KANK1: variants seen among roughly 807,000 people sequenced by gnomAD.
The protein encoded by KANK1 is KN motif and ankyrin repeat domains 1, also known as KN motif and ankyrin repeat domain-containing protein 1.
KANK1 carries 109 observed loss-of-function variants against 106.2 expected under a neutral mutation model. The observed-to-expected ratio is 1.03, with a 90% CI of 0.88 to 1.20. The LOEUF (loss-of-function observed/expected upper bound fraction) is 1.20, where lower values mean the gene tolerates loss of function less well. Ranked by LOEUF, KANK1 falls within the 50% of genes most tolerant of loss-of-function variation. The probability of loss-of-function intolerance (pLI) is 0.00; values close to 1 mark genes in which losing one functional copy is unlikely to be tolerated. For missense variants in KANK1, 2,399 were observed against 1,710.7 expected, an observed-to-expected ratio of 1.40 and a Z score of -7.10; for synonymous variants, 873 against 652.2, an observed-to-expected ratio of 1.34 and a Z score of -5.16.
intron 3 of KANK1, among the ~76,000 whole-genome samples, chr9:474,411 G>A (rs1265542910): frequency 6.6e-6 from 1 of 152,182 alleles, no homozygotes; most frequent in Non-Finnish European, 1.5e-5. Flanking sequence ...GCATAAGTAT[G>A]TTTCTCACTT....
chr9:591,856 A>C (rs1010013051), intron 1 of KANK1, among the ~76,000 whole-genome samples: 5 of 151,570 alleles, frequency 3.3e-5, no homozygotes, highest in African/African-American at 9.8e-5. Context: ...TCGGGGTTTC[A>C]CCGTGTTAGC....
intron 1 of KANK1, among the ~76,000 whole-genome samples, chr9:510,024 C>T (rs893704987): frequency 1.5e-4 from 22 of 150,832 alleles, no homozygotes; most frequent in African/African-American, 4.4e-4. Flanking sequence ...GTTGTCCAGG[C>T]GGGTCTCAAA....
intron 1 of KANK1, among the ~76,000 whole-genome samples, chr9:640,216 C>T (rs959090008): frequency 1.1e-4 from 16 of 152,068 alleles, no homozygotes; most frequent in Admixed American, 1.0e-3. Context: ...ATGGAAACTC[C>T]TTTTTGGGGG....
At chr9:699,137 C>T (rs1307200489) in intron 2 of KANK1, among the ~76,000 whole-genome samples, 1 of 152,178 alleles carries the variant, frequency 6.6e-6, no homozygotes, top group Non-Finnish European at 1.5e-5. Context: ...CTACCGCTCC[C>T]TTGAAGAACC....
At chr9:695,611 G>T (rs569953632) in intron 2 of KANK1, among the ~76,000 whole-genome samples, 10 of 149,186 alleles carry the variant, frequency 6.7e-5, no homozygotes, top group African/African-American at 9.8e-5. Flanking sequence ...GACTTCGTGG[G>T]GGGGGGGGCA....
intron 1 of KANK1, among the ~76,000 whole-genome samples, chr9:656,485 G>A (rs575885898): frequency 2.0e-5 from 3 of 152,256 alleles, no homozygotes; most frequent in East Asian, 1.9e-4. Context: ...ACAAGGCTCT[G>A]TCTCCTGGGT....
rs1563847716 is a variant in KANK1, at chr9:606,288, G to GT, written c.-83-70602_-83-70601insT. Among the ~76,000 whole-genome samples, 55 of 149,874 alleles carry GT rather than the reference G, an allele frequency of 3.7e-4. 5 individuals are homozygous for GT. Among genetic ancestry groups the GT allele is most frequent in the African/African-American group, 1.4e-3 (54 of 39,510 alleles). On this transcript the variant is annotated intron_variant, in intron 1 of 11. Transcript: ENST00000382297. ...AAGGGCTGGGGGTGGTGGGGGCGGT[G>GT]GCTCACACCTGAAATCCCAGCACTT... is the stretch of plus-strand genomic sequence containing the variant.
chr9:499,575 G>T (rs900574623), intron 3 of KANK1, among the ~76,000 whole-genome samples: 1 of 152,148 alleles, frequency 6.6e-6, no homozygotes, highest in African/African-American at 2.4e-5. Flanking sequence ...GGGGGCTCCT[G>T]CAAATCTTTT....
intron 1 of KANK1, among the ~76,000 whole-genome samples, chr9:552,539 T>C (rs1470482771): frequency 6.6e-6 from 1 of 152,222 alleles, no homozygotes; most frequent in Non-Finnish European, 1.5e-5. Context: ...TGTTTTAATA[T>C]GACGTTATTA....
At chr9:601,262 A>C (rs968888946) in intron 1 of KANK1, among the ~76,000 whole-genome samples, 2 of 151,792 alleles carry the variant, frequency 1.3e-5, no homozygotes, top group African/African-American at 4.9e-5. Context: ...TGGGAATCTA[A>C]ATTGGTCTAA....
At chr9:549,987 A>G (rs527316616) in intron 1 of KANK1, among the ~76,000 whole-genome samples, 84 of 152,222 alleles carry the variant, frequency 5.5e-4, no homozygotes, top group Non-Finnish European at 1.1e-3. Flanking sequence ...GAGAATTAAC[A>G]CTGGGGACAC....
intron 3 of KANK1, chr9:484,636 A>G (rs1329013512): frequency 6.6e-6 from 1 of 152,250 alleles, no homozygotes; most frequent in Non-Finnish European, 1.5e-5. Context: ...GAGGCAAGAT[A>G]AAAGATATAA....
intron 2 of KANK1, chr9:707,221 G>GGCGGGGAGC: frequency 1.0e-6 from 1 of 986,210 alleles, no homozygotes; most frequent in Non-Finnish European, 1.2e-6. Context: ...AGCGCGGGCT[G>GGCGGGGAGC]GCGGGGAGCG....
At position 711,489 on chromosome 9, in the gene KANK1, C is replaced by T. The variant is rs1309017389; in HGVS notation, c.723C>T (p.His241=). The change falls in exon 3 of 12, where the codon CAC becomes CAT. Residue 241 remains histidine, a synonymous_variant. Transcript: ENST00000382297. ...TTSSMGSSIR[H]SPLSSGISTP... Reference sequence around the variant, plus strand: ...CCTCCATGGGGAGCTCCATCCGCCACAGCCCCCTGAGCTCAGGGATCTCCA... The same window carrying T: ...CCTCCATGGGGAGCTCCATCCGCCATAGCCCCCTGAGCTCAGGGATCTCCA... The T allele has an allele frequency of 4.3e-6, 7 of 1,614,062 alleles. No homozygotes were observed. Among genetic ancestry groups the T allele is most frequent in the African/African-American group, 4.0e-5 (3 of 74,926 alleles).
At chr9:561,863 C>T (rs932062090) in intron 1 of KANK1, among the ~76,000 whole-genome samples, 7 of 152,140 alleles carry the variant, frequency 4.6e-5, no homozygotes, top group Admixed American at 2.0e-4. Flanking sequence ...ATACTGCAGA[C>T]GTTTTCTGTA....
chr9:505,829 C>T (rs572062543), intron 1 of KANK1, among the ~76,000 whole-genome samples: 2 of 152,336 alleles, frequency 1.3e-5, no homozygotes, highest in Admixed American at 1.3e-4. Context: ...TTCCTTTCCT[C>T]ACCGTCATTG....
intron 3 of KANK1, among the ~76,000 whole-genome samples, chr9:719,036 C>T (rs952767165): frequency 2.2e-5 from 3 of 138,284 alleles, no homozygotes; most frequent in East Asian, 2.2e-4. Context: ...CTCAGCTCAT[C>T]GCAACCTTCA....
At chr9:703,522 A>T (rs1823226181) in intron 2 of KANK1, among the ~76,000 whole-genome samples, 1 of 152,110 alleles carries the variant, frequency 6.6e-6, no homozygotes, top group Admixed American at 6.5e-5. Flanking sequence ...CCAGACATTC[A>T]AAAAATTTTT....
chr9:597,360 C>CTTTATT (rs1326195168), intron 1 of KANK1, among the ~76,000 whole-genome samples: 1 of 151,798 alleles, frequency 6.6e-6, no homozygotes, highest in East Asian at 1.9e-4. Flanking sequence ...TTTCCATATC[C>CTTTATT]TTGCAAACAT....
Sources: allele counts gnomAD v4.1 joint callset (sites outside exome capture counted in the v4.1 genomes callset), GRCh38; gene constraint gnomAD v4.1.1; transcripts MANE v1.5; gene names NCBI Gene and HGNC (gene_info 2026-07-23, HGNC 2026-07-21).